GALNT13: variants seen among roughly 807,000 people sequenced by gnomAD.
GALNT13 encodes the protein UDP-GalNAc:polypeptide N-acetylgalactosaminyltransferase 13.
Under a neutral mutation model 64.2 loss-of-function variants are expected in GALNT13, and 28 were observed. The ratio of observed to expected loss-of-function variants is 0.44; its 90% confidence interval spans 0.32 to 0.60. The LOEUF is 0.60. GALNT13 is among the 20% of genes least tolerant of loss of function. The probability of loss-of-function intolerance (pLI) is 0.05; values close to 1 mark genes in which losing one functional copy is unlikely to be tolerated. For synonymous variants in GALNT13, 214 were observed against 224.6 expected, an observed-to-expected ratio of 0.95 and a Z score of 0.42; for missense variants, 577 against 669.8, an observed-to-expected ratio of 0.86 and a Z score of 1.53.
At chr2:153,726,201 A>G in the GALNT13 span, among the ~76,000 whole-genome samples, 2 of 152,214 alleles carry the variant, frequency 1.3e-5, no homozygotes, top group Admixed American at 1.3e-4. Flanking sequence ...ACATCACTAT[A>G]TAAATGAACT....
chr2:154,210,893 C>T (rs893681243), intron 4 of GALNT13, among the ~76,000 whole-genome samples: 6 of 151,872 alleles, frequency 4.0e-5, no homozygotes, highest in African/African-American at 7.3e-5. Context: ...GGGAGGTGGA[C>T]GCAATGTTAG....
rs547510881 is a variant in GALNT13 at position 154,415,386 on chromosome 2, A to G, written c.1395+6304A>G. Among the ~76,000 whole-genome samples the G allele has an allele frequency of 4.0e-4, 61 of 152,240 alleles. 1 individual carries two copies. Among genetic ancestry groups the G allele is most frequent in the Middle Eastern group, 3.4e-3 (1 of 294 alleles). On this transcript the variant is annotated intron_variant, in intron 11 of 12. Coordinates refer to ENST00000392825, the MANE Select transcript of GALNT13 (RefSeq NM_052917.4). ...GTAATGGAAAAATATTCACAACCCT[A>G]GTGAATGCATTTATAATGTTTCTTT...
At chr2:153,747,388 T>G in the GALNT13 span, among the ~76,000 whole-genome samples, 1 of 151,174 alleles carries the variant, frequency 6.6e-6, no homozygotes, top group African/African-American at 2.4e-5. Flanking sequence ...CTGGTAATCA[T>G]TTTTCTATTC....
chr2:153,277,927 C>CTTTTTTTTTTTTTTTTT, the GALNT13 span, among the ~76,000 whole-genome samples: 147 of 80,094 alleles, frequency 1.8e-3, 18 homozygotes, highest in Admixed American at 3.2e-3. Context: ...TCTTTTCTTT[C>CTTTTTTTTTTTTTTTTT]TTTTTTTTTT....
chr2:154,454,583 A>G (rs1231774750), downstream of GALNT13: 1 of 152,122 alleles, frequency 6.6e-6, no homozygotes, highest in Non-Finnish European at 1.5e-5. Context: ...GAATTGCTTG[A>G]ACCTGGGAGG....
At chr2:153,380,025 A>T in the GALNT13 span, among the ~76,000 whole-genome samples, 1 of 152,122 alleles carries the variant, frequency 6.6e-6, no homozygotes, top group East Asian at 1.9e-4. Flanking sequence ...GGTACTTGAG[A>T]GATGAGAACA....
At chr2:153,956,336 T>C (rs913925549) in intron 3 of GALNT13, among the ~76,000 whole-genome samples, 4 of 152,208 alleles carry the variant, frequency 2.6e-5, no homozygotes, top group African/African-American at 9.7e-5. Context: ...TTTCTGGTAA[T>C]TTAGCAAATC....
chr2:153,986,804 T>C (rs1250756952), intron 3 of GALNT13, among the ~76,000 whole-genome samples: 4 of 151,948 alleles, frequency 2.6e-5, no homozygotes, highest in Non-Finnish European at 5.9e-5. Context: ...TATGAAAAGC[T>C]GGGCAAAAGG....
chr2:153,726,032 G>T, the GALNT13 span, among the ~76,000 whole-genome samples: 1 of 151,866 alleles, frequency 6.6e-6, no homozygotes, highest in Non-Finnish European at 1.5e-5. Context: ...TTATTATTCT[G>T]TTGATGAGTA....
chr2:153,991,573 C>G (rs1332921450), intron 3 of GALNT13, among the ~76,000 whole-genome samples: 1 of 152,076 alleles, frequency 6.6e-6, no homozygotes, highest in African/African-American at 2.4e-5. Context: ...TTAGAACACT[C>G]TTTGGCCACT....
chr2:153,262,538 A>G, the GALNT13 span, among the ~76,000 whole-genome samples: 12,599 of 152,256 alleles, frequency 0.083, 590 homozygotes, highest in South Asian at 0.13. Flanking sequence ...ACATCAATCC[A>G]AAAATCCTCA....
chr2:154,180,652 T>C (rs1415813504), intron 4 of GALNT13, among the ~76,000 whole-genome samples: 1 of 152,174 alleles, frequency 6.6e-6, no homozygotes, highest in Admixed American at 6.5e-5. Flanking sequence ...TTGCTATTCA[T>C]AATTCTCACC....
At chr2:153,386,551 G>A in the GALNT13 span, among the ~76,000 whole-genome samples, 1 of 152,028 alleles carries the variant, frequency 6.6e-6, no homozygotes, top group Non-Finnish European at 1.5e-5. Context: ...TGAGGGATCT[G>A]AGTTGGGCCA....
intron 4 of GALNT13, among the ~76,000 whole-genome samples, chr2:154,228,238 C>T (rs1374613414): frequency 2.6e-5 from 4 of 152,136 alleles, no homozygotes; most frequent in East Asian, 1.9e-4. Flanking sequence ...ATTAAATGAG[C>T]GCTGGCAGAG....
intron 8 of GALNT13, among the ~76,000 whole-genome samples, chr2:154,299,343 C>T (rs532464808): frequency 3.3e-5 from 5 of 151,502 alleles, no homozygotes; most frequent in Admixed American, 6.6e-5. Flanking sequence ...GATAGGATAG[C>T]GATTAACTGC....
intron 9 of GALNT13, among the ~76,000 whole-genome samples, chr2:154,380,056 C>A (rs1698194176): frequency 1.3e-5 from 2 of 151,822 alleles, no homozygotes; most frequent in Admixed American, 6.6e-5. Context: ...AGACAGTAAC[C>A]TGTTATTAGA....
At chr2:153,786,441 C>T in the GALNT13 span, among the ~76,000 whole-genome samples, 1 of 152,040 alleles carries the variant, frequency 6.6e-6, no homozygotes, top group Non-Finnish European at 1.5e-5. Flanking sequence ...TCTAGTGGCC[C>T]AGAGTTTTCC....
intron 7 of GALNT13, among the ~76,000 whole-genome samples, chr2:154,247,006 T>G (rs1689819452): frequency 6.6e-6 from 1 of 152,026 alleles, no homozygotes. Flanking sequence ...AAGGGATGAC[T>G]TATCTATTGT....
chr2:154,144,529 C>G (rs984401620), intron 4 of GALNT13, among the ~76,000 whole-genome samples: 4 of 151,984 alleles, frequency 2.6e-5, no homozygotes, highest in African/African-American at 9.7e-5. Flanking sequence ...TAGTGGAAAA[C>G]TTGAGTTGAT....
Sources: allele counts gnomAD v4.1 joint callset (sites outside exome capture counted in the v4.1 genomes callset), GRCh38; gene constraint gnomAD v4.1.1; transcripts MANE v1.5; gene names NCBI Gene and HGNC (gene_info 2026-07-23, HGNC 2026-07-21).